TTC29: variants seen among roughly 807,000 people sequenced by gnomAD.
The protein encoded by TTC29 is tetratricopeptide repeat protein 29.
A neutral mutation model predicts 58.1 loss-of-function variants in TTC29; 49 were observed. The ratio of observed to expected loss-of-function variants is 0.84; its 90% CI spans 0.67 to 1.07. The LOEUF is 1.07. Among genes scored for constraint, TTC29 ranks in the 50% least tolerant of loss-of-function variants. The pLI is 0.00. For missense variants in TTC29, 582 were observed against 555.6 expected, an observed-to-expected ratio of 1.05 and a Z score of -0.48; for synonymous variants, 209 against 196.8, an observed-to-expected ratio of 1.06 and a Z score of -0.52.
At chr4:146,801,387 C>T (rs1750206200) in intron 11 of TTC29, among the ~76,000 whole-genome samples, 1 of 152,134 alleles carries the variant, frequency 6.6e-6, no homozygotes, top group African/African-American at 2.4e-5. Flanking sequence ...TAATTTCTCA[C>T]TTGTACTTGG....
chr4:146,840,861 A>C lies in TTC29; in HGVS notation c.886-6964T>G, dbSNP rs368588461. Among the ~76,000 whole-genome samples, 23 of 152,272 alleles carry C rather than the reference A, an allele frequency of 1.5e-4. No homozygotes were observed. The South Asian group carries it at 4.3e-3, about 29-fold the overall frequency. On this transcript the variant is annotated intron_variant, in intron 8 of 12. Transcript: ENST00000325106. The stretch of plus-strand genomic sequence containing the variant: ...AGCTGGAGCAAGTCTGGAAATGAGA[A>C]TAAATGATACAATGAGAAAGAAGAG...
chr4:146,872,226 C>T (rs1255761439), intron 7 of TTC29, among the ~76,000 whole-genome samples: 1 of 151,874 alleles, frequency 6.6e-6, no homozygotes, highest in South Asian at 2.1e-4. Context: ...CCTCCTCACA[C>T]CACATGTGCA....
intron 10 of TTC29, among the ~76,000 whole-genome samples, chr4:146,814,782 C>T (rs988497571): frequency 1.6e-4 from 24 of 147,184 alleles, no homozygotes; most frequent in African/African-American, 4.0e-4. Context: ...GCCATTCTTT[C>T]GTTGCTAAGG....
At position 146,888,336 on chromosome 4, in the gene TTC29, C is replaced by T. The variant is rs1330645727; in HGVS notation, c.587-13408G>A. ...GAATGAGATATGATGAAGAGAGACGCTAAAGGAAGGTAAAGAGCAGACCAG... is the reference window on the plus strand; with the variant it reads ...GAATGAGATATGATGAAGAGAGACGTTAAAGGAAGGTAAAGAGCAGACCAG... On this transcript the variant is annotated intron_variant, in intron 6 of 12. Transcript: ENST00000325106. Among the ~76,000 whole-genome samples the T allele has an allele frequency of 6.6e-5, 10 of 152,028 alleles. No homozygotes were observed. In the South Asian group the frequency reaches 1.7e-3, roughly 25 times the overall value.
rs58339737 is a variant in TTC29, at chr4:146,794,794, T to A, written c.1330+8663A>T. 9.3e-3 allele frequency among the ~76,000 whole-genome samples: 1,418 copies of A among 152,166 alleles called. 18 individuals carry two copies. The highest frequency in any genetic ancestry group is 0.031 in the African/African-American group (1,270 of 41,530). On this transcript the variant is annotated intron_variant, in intron 11 of 12. Transcript: ENST00000325106. ...TATCATGAAATACACAGCCTTTTTT[T>A]AAAAAAATTTAATTTTAAGTTCCAG...
intron 6 of TTC29, among the ~76,000 whole-genome samples, chr4:146,879,326 AATG>A (rs1477509486): frequency 6.6e-6 from 1 of 152,198 alleles, no homozygotes; most frequent in Non-Finnish European, 1.5e-5. Flanking sequence ...CATGATTAAC[AATG>A]ATATGATTTC....
chr4:146,806,534 G>A (rs894625500), intron 10 of TTC29, among the ~76,000 whole-genome samples: 2 of 151,772 alleles, frequency 1.3e-5, no homozygotes, highest in Non-Finnish European at 2.9e-5. Context: ...AGGGATGAAG[G>A]AATATTTACC....
intron 9 of TTC29, among the ~76,000 whole-genome samples, chr4:146,827,828 A>G (rs2150150588): frequency 6.6e-6 from 1 of 152,332 alleles, no homozygotes; most frequent in African/African-American, 2.4e-5. Context: ...CAAGAGGCAA[A>G]TTCAATTTAG....
chr4:146,908,709 C>T (rs955703887), intron 5 of TTC29, among the ~76,000 whole-genome samples: 1 of 152,078 alleles, frequency 6.6e-6, no homozygotes, highest in African/African-American at 2.4e-5. Flanking sequence ...ATTACGTATA[C>T]AGAAAAACTG....
chr4:146,717,907 C>T (rs1029177449), intron 11 of TTC29, among the ~76,000 whole-genome samples: 2 of 152,124 alleles, frequency 1.3e-5, no homozygotes, highest in African/African-American at 4.8e-5. Context: ...ATTTCCCTCA[C>T]CACTGATAAC....
intron 11 of TTC29, among the ~76,000 whole-genome samples, chr4:146,772,911 T>TA (rs752282355): frequency 2.0e-5 from 3 of 152,140 alleles, no homozygotes; most frequent in Non-Finnish European, 4.4e-5. Context: ...CAGTGTTTTG[T>TA]AATTTTCATA....
intron 11 of TTC29, among the ~76,000 whole-genome samples, chr4:146,778,415 A>C (rs756802207): frequency 1.3e-5 from 2 of 152,244 alleles, no homozygotes; most frequent in Non-Finnish European, 2.9e-5. Flanking sequence ...ATTTTAAACA[A>C]ATTTTTGTTG....
At chr4:146,925,604 G>A (rs1460504402) in intron 4 of TTC29, among the ~76,000 whole-genome samples, 4 of 152,042 alleles carry the variant, frequency 2.6e-5, no homozygotes, top group Non-Finnish European at 2.9e-5. Context: ...CATTTATCTT[G>A]ACCTTGACAT....
chr4:146,908,130 G>A (rs1733648710), intron 5 of TTC29, among the ~76,000 whole-genome samples: 2 of 152,014 alleles, frequency 1.3e-5, no homozygotes, highest in African/African-American at 4.8e-5. Context: ...GTACCATTGG[G>A]TAACAAAAAG....
intron 6 of TTC29, among the ~76,000 whole-genome samples, chr4:146,898,998 G>A (rs529266552): frequency 9.8e-5 from 15 of 152,342 alleles, no homozygotes; most frequent in African/African-American, 3.4e-4. Flanking sequence ...TCATCATGGG[G>A]AAGCGGAAAG....
chr4:146,708,001 G>T (rs1320577404), intron 11 of TTC29, among the ~76,000 whole-genome samples: 1 of 151,936 alleles, frequency 6.6e-6, no homozygotes, highest in Non-Finnish European at 1.5e-5. Context: ...AGATGTTCTA[G>T]CAGACAGTCC....
intron 11 of TTC29, among the ~76,000 whole-genome samples, chr4:146,728,858 C>CGTATATATAT: frequency 2.4e-5 from 1 of 41,190 alleles, no homozygotes; most frequent in Non-Finnish European, 6.0e-5. Context: ...TATATATATA[C>CGTATATATAT]ACATATATAT....
rs868620438 is a variant in TTC29, at chr4:146,923,238, T to G, written c.177-13989A>C. On this transcript the variant is annotated intron_variant, in intron 4 of 12. Coordinates refer to ENST00000325106, the MANE Select transcript of TTC29 (RefSeq NM_031956.4). ...TTTAATTGAATAAGATAAAAATTCT[T>G]TAGCCAATTTTACAAAACCTTAAAC... Among the ~76,000 whole-genome samples, 3 of 151,936 alleles carry G rather than the reference T, an allele frequency of 2.0e-5. No individual in the cohort carries two copies. The South Asian group carries it at 6.2e-4, about 31-fold the overall frequency.
At chr4:146,943,169 CTTTTTTTTTTTTTT>C (rs61184684) in intron 2 of TTC29, among the ~76,000 whole-genome samples, 31 of 59,492 alleles carry the variant, frequency 5.2e-4, no homozygotes, top group South Asian at 1.8e-3. Flanking sequence ...ATCAACTGTG[CTTTTTTTTTTTTTT>C]TTTTTTTTTT....
Sources: allele counts gnomAD v4.1 joint callset (sites outside exome capture counted in the v4.1 genomes callset), GRCh38; gene constraint gnomAD v4.1.1; transcripts MANE v1.5; gene names NCBI Gene and HGNC (gene_info 2026-07-23, HGNC 2026-07-21).